Variants in NFRKB observed in about 807,000 individuals in gnomAD.
NFRKB encodes nuclear factor related to kappa-B-binding protein.
Under a neutral mutation model 135.7 loss-of-function variants are expected in NFRKB, and 62 were observed. The observed-to-expected ratio is 0.46, with a 90% CI of 0.37 to 0.56. NFRKB has a LOEUF of 0.56. Ranked by LOEUF, NFRKB falls within the 20% of genes least tolerant of loss-of-function variation. The probability of loss-of-function intolerance (pLI) is 0.00; values close to 1 mark genes in which losing one functional copy is unlikely to be tolerated. For synonymous variants in NFRKB, 678 were observed against 635.6 expected (o/e 1.07, Z -1.00); for missense variants, 1,545 against 1,662.0 (o/e 0.93, Z 1.22).
In NFRKB at chr11:129,874,098, A is replaced by G. The variant is rs762659878; in HGVS notation, c.2279+15T>C. The G allele has an allele frequency of 1.9e-6, 3 of 1,563,480 alleles. No homozygotes were observed. The highest frequency in any genetic ancestry group is 2.7e-5 in the African/African-American group (2 of 72,986). On this transcript the variant is annotated intron_variant, in intron 21 of 26. Coordinates refer to ENST00000682444, the MANE Select transcript of NFRKB (RefSeq NM_001143835.2). This position sits in a 1 kb window ranked among gnomAD's most constrained non-coding sequence, Gnocchi z 4.5. ...AACTCTAGAACGAAAAAGCTGAAGA[A>G]AAGGAGGAACTTACCCCGAGCTAGA...
intron 5 of NFRKB, 145 bp from the exon 6 acceptor site, chr11:129,885,754 T>C (rs1389185786): frequency 2.2e-5 from 16 of 721,054 alleles, no homozygotes; most frequent in Non-Finnish European, 2.8e-5. Flanking sequence ...CACATATATA[T>C]TAATATATCC....
At chr11:129,875,136 G>T (rs1184702869) in intron 18 of NFRKB, among the ~76,000 whole-genome samples, 1 of 152,182 alleles carries the variant, frequency 6.6e-6, no homozygotes, top group African/African-American at 2.4e-5. Flanking sequence ...TAAGGATACT[G>T]TGAAGTAAGT....
At chr11:129,894,858 G>A (rs1949703746) in intron 1 of NFRKB, among the ~76,000 whole-genome samples, 1 of 152,238 alleles carries the variant, frequency 6.6e-6, no homozygotes, top group African/African-American at 2.4e-5. Flanking sequence ...GCATAGAACA[G>A]ACTATCAACT....
At chr11:129,877,191 T>A (rs1948806938) in intron 16 of NFRKB, 134 bp downstream of exon 16, 2 of 919,326 alleles carry the variant, frequency 2.2e-6, no homozygotes, top group Admixed American at 2.0e-5. Flanking sequence ...CAACAAGTAA[T>A]CCCAGCCAAC....
chr11:129,882,760 GAAACCA>G, intron 9 of NFRKB, 129 bp from the exon 10 acceptor site: 4 of 945,556 alleles, frequency 4.2e-6, no homozygotes, highest in Non-Finnish European at 6.4e-6. Context: ...AACACTCAAT[GAAACCA>G]AATTCATTGA....
At chr11:129,867,265 G>A (rs1468127117) in intron 24 of NFRKB, among the ~76,000 whole-genome samples, 2 of 151,634 alleles carry the variant, frequency 1.3e-5, no homozygotes, top group African/African-American at 2.4e-5. Flanking sequence ...TGGATCAAGT[G>A]AGTGCAGTTT....
At chr11:129,890,424 C>T (rs932755295) in intron 3 of NFRKB, among the ~76,000 whole-genome samples, 3 of 152,110 alleles carry the variant, frequency 2.0e-5, no homozygotes, top group African/African-American at 7.2e-5. Flanking sequence ...GCCAAGAAAA[C>T]ATGGATGGGA....
At chr11:129,878,725 T>A (rs1236243960) in intron 13 of NFRKB, among the ~76,000 whole-genome samples, 182 bp from the exon 14 acceptor site, 1 of 152,218 alleles carries the variant, frequency 6.6e-6, no homozygotes, top group East Asian at 1.9e-4. Flanking sequence ...CACTCTTGGA[T>A]GCCACCTAAT....
chr11:129,891,378 C>T (rs1214083373), intron 3 of NFRKB, among the ~76,000 whole-genome samples: 1 of 152,170 alleles, frequency 6.6e-6, no homozygotes, highest in Admixed American at 6.5e-5. Flanking sequence ...CAGATAAAGA[C>T]CGCCAGAAAA....
chr11:129,887,104 G>A (rs1374959941), intron 4 of NFRKB, among the ~76,000 whole-genome samples: 1 of 152,230 alleles, frequency 6.6e-6, no homozygotes. Context: ...CCTTGTGCCA[G>A]AACAAAGTCA....
Position 129,882,382 on chromosome 11 carries a change from G to A in NFRKB, c.1082+69C>T, listed in dbSNP as rs915428701. On this transcript the variant is annotated intron_variant, in intron 10 of 26. Coordinates refer to ENST00000682444, the MANE Select transcript of NFRKB (RefSeq NM_001143835.2). ...ATACTTACAGCTACGACAAGCCCTA[G>A]GGGCCAGGGCACAGCCTATGGCTTA... 11 of 1,541,950 alleles carry A rather than the reference G, an allele frequency of 7.1e-6. No individual in the cohort carries two copies. In the African/African-American group the frequency reaches 1.5e-4, roughly 21 times the overall value.
chr11:129,895,135 C>T (rs540994646), intron 1 of NFRKB, among the ~76,000 whole-genome samples: 1 of 152,348 alleles, frequency 6.6e-6, no homozygotes, highest in South Asian at 2.1e-4. Context: ...CACTGGCTTT[C>T]AGCACCTGGT....
intron 13 of NFRKB, among the ~76,000 whole-genome samples, chr11:129,878,887 G>C (rs572697536): frequency 1.3e-5 from 2 of 152,230 alleles, no homozygotes; most frequent in African/African-American, 4.8e-5. Context: ...AATTCAAAAA[G>C]TGGTAAGCAT....
At chr11:129,890,035 T>G (rs887889676) in intron 3 of NFRKB, among the ~76,000 whole-genome samples, 1 of 150,338 alleles carries the variant, frequency 6.7e-6, no homozygotes, top group Admixed American at 6.6e-5. Context: ...TTTTGTTTTT[T>G]TTTTTTGTTT....
At chr11:129,878,605 T>C in intron 13 of NFRKB, 62 bp from the exon 14 acceptor site, 1 of 1,360,816 alleles carries the variant, frequency 7.3e-7, no homozygotes, top group Non-Finnish European at 1.0e-6. Context: ...AGAATCCTGC[T>C]TTCTCTTTAC....
rs1178247896 is a variant in NFRKB, at chr11:129,885,418, T to C, written c.640+17A>G. ...CATCCAATACCCCAGCTACCCCAAG[T>C]GCCCGAGGACACTCACCCTCTTCAT... On this transcript the variant is annotated intron_variant, in intron 6 of 26. Transcript: ENST00000682444. The C allele has an allele frequency of 1.3e-6, 2 of 1,588,326 alleles. No individual in the cohort carries two copies. The highest frequency in any genetic ancestry group is 3.4e-5 in the Admixed American group (2 of 58,618).
intron 9 of NFRKB, 48 bp from the exon 10 acceptor site, chr11:129,882,679 G>T: frequency 6.4e-7 from 1 of 1,552,020 alleles, no homozygotes; most frequent in Non-Finnish European, 8.8e-7. Flanking sequence ...CTCCTACACA[G>T]GGAAGTGAGG....
In NFRKB at chr11:129,882,154, T is replaced by G; in HGVS notation, c.1123A>C (p.Ile375Leu). ...DLKPCLGINE[I>L]SSSFFSLLLE... ...AGAAGAGAGAAGAAGCTGGAAGATATTTCATTGATTCCAAGGCAAGGCTTG... is the reference window on the plus strand; with the variant it reads ...AGAAGAGAGAAGAAGCTGGAAGATAGTTCATTGATTCCAAGGCAAGGCTTG... The change falls in exon 11 of 27, where the codon ATA becomes CTA. Residue 375 changes from isoleucine (I) to leucine (L), a missense_variant. By Grantham distance (5) the Ile-to-Leu change is conservative (BLOSUM62 2). Transcript: ENST00000682444. 1.2e-6 allele frequency: 2 copies of G among 1,613,498 alleles called. No homozygotes were observed. Among genetic ancestry groups the G allele is most frequent in the South Asian group, 2.2e-5 (2 of 90,928 alleles).
intron 23 of NFRKB, 63 bp from the exon 24 acceptor site, chr11:129,870,324 C>A: frequency 6.6e-7 from 1 of 1,518,028 alleles, no homozygotes; most frequent in Admixed American, 2.1e-5. Flanking sequence ...CAAAATACAA[C>A]TAGACAAACT....
Sources: gnomAD v4.1 joint callset for allele counts (sites outside exome capture counted in the v4.1 genomes callset) on GRCh38, gnomAD v4.1.1 for gene constraint, Gnocchi (gnomAD v3.1) non-coding constraint, MANE v1.5 for transcripts, NCBI Gene and HGNC (gene_info 2026-07-23, HGNC 2026-07-21) for gene names.